Variants in PIP5K1B observed in about 807,000 individuals in gnomAD.
PIP5K1B encodes phosphatidylinositol 4-phosphate 5-kinase type-1 beta.
Under a neutral mutation model 67.0 loss-of-function variants are expected in PIP5K1B, and 42 were observed. That is an observed-to-expected ratio of 0.63 (90% CI 0.49 to 0.81). The LOEUF (loss-of-function observed/expected upper bound fraction) is 0.81, where lower values mean the gene tolerates loss of function less well. Among genes scored for constraint, PIP5K1B ranks in the 30% least tolerant of loss-of-function variants. The pLI, the probability that PIP5K1B is intolerant of heterozygous loss-of-function variation, is 0.00. For missense variants in PIP5K1B, 459 were observed against 646.3 expected, an observed-to-expected ratio of 0.71 and a Z score of 3.14; for synonymous variants, 214 against 231.4, an observed-to-expected ratio of 0.92 and a Z score of 0.68.
chr9:68,880,174 T>G (rs1321931364), intron 6 of PIP5K1B, among the ~76,000 whole-genome samples: 2 of 152,230 alleles, frequency 1.3e-5, no homozygotes, highest in Non-Finnish European at 2.9e-5. Context: ...ATGAATGAGT[T>G]GTCCATGAGT....
intron 12 of PIP5K1B, among the ~76,000 whole-genome samples, chr9:68,929,999 T>A (rs1826912052): frequency 6.6e-6 from 1 of 152,230 alleles, no homozygotes; most frequent in South Asian, 2.1e-4. Context: ...CTCTCCAGCA[T>A]GTGAGACCAC....
intron 4 of PIP5K1B, among the ~76,000 whole-genome samples, chr9:68,851,865 C>T (rs1822503556): frequency 1.3e-5 from 2 of 152,224 alleles, no homozygotes; most frequent in Admixed American, 1.3e-4. Flanking sequence ...AGCTGCAGAG[C>T]CGGCCCTCCT....
chr9:68,812,187 A>G (rs758239612), intron 2 of PIP5K1B, among the ~76,000 whole-genome samples: 6 of 152,262 alleles, frequency 3.9e-5, no homozygotes, highest in Non-Finnish European at 8.8e-5. Context: ...TAGGACACTT[A>G]CAAGTGTCAA....
intron 15 of PIP5K1B, among the ~76,000 whole-genome samples, chr9:68,998,847 A>G (rs1325868029): frequency 2.0e-5 from 3 of 152,206 alleles, no homozygotes; most frequent in Admixed American, 1.3e-4. Flanking sequence ...AAGCCCCCCA[A>G]GTGTGATGAA....
At chr9:68,821,041 G>A (rs1366449461) in intron 3 of PIP5K1B, among the ~76,000 whole-genome samples, 3 of 152,208 alleles carry the variant, frequency 2.0e-5, no homozygotes, top group African/African-American at 7.2e-5. Flanking sequence ...ACTTTGGGAG[G>A]CCAAGGCAGG....
At chr9:68,890,983 C>T (rs1824752516) in intron 7 of PIP5K1B, among the ~76,000 whole-genome samples, 1 of 152,184 alleles carries the variant, frequency 6.6e-6, no homozygotes, top group Admixed American at 6.5e-5. Flanking sequence ...AATGGTGGCT[C>T]ACACCTGTAA....
intron 15 of PIP5K1B, among the ~76,000 whole-genome samples, chr9:69,005,187 ATTCT>A (rs1008962486): frequency 6.6e-6 from 1 of 152,076 alleles, no homozygotes; most frequent in Non-Finnish European, 1.5e-5. Context: ...GCTGGAAATC[ATTCT>A]TTATTTTTAA....
At chr9:68,850,272 A>G (rs902251148) in intron 4 of PIP5K1B, among the ~76,000 whole-genome samples, 6 of 152,228 alleles carry the variant, frequency 3.9e-5, no homozygotes, top group African/African-American at 1.4e-4. Context: ...TAGCCAGAAA[A>G]TAGTAATGTG....
intron 14 of PIP5K1B, among the ~76,000 whole-genome samples, chr9:68,968,745 T>G (rs1829179587): frequency 6.6e-6 from 1 of 150,788 alleles, no homozygotes; most frequent in Admixed American, 6.6e-5. Flanking sequence ...GACTATAAAG[T>G]TTTGCTTAGT....
At chr9:69,002,629 A>G (rs368549756) in intron 15 of PIP5K1B, among the ~76,000 whole-genome samples, 1 of 151,900 alleles carries the variant, frequency 6.6e-6, no homozygotes, top group South Asian at 2.1e-4. Flanking sequence ...ATTTAAAAAA[A>G]AGAGAGAGAG....
chr9:68,729,636 G>T (rs2132284913), intron 1 of PIP5K1B, among the ~76,000 whole-genome samples: 1 of 152,178 alleles, frequency 6.6e-6, no homozygotes. Context: ...TGGATAAATG[G>T]CCAAAGGTTA....
intron 15 of PIP5K1B, among the ~76,000 whole-genome samples, chr9:69,004,060 T>G (rs1039670477): frequency 6.6e-6 from 1 of 152,228 alleles, no homozygotes; most frequent in African/African-American, 2.4e-5. Context: ...TCTGACCCCT[T>G]GTGTACATAC....
chr9:68,935,160 T>A, intron 13 of PIP5K1B, 115 bp downstream of exon 13: 1 of 890,280 alleles, frequency 1.1e-6, no homozygotes, highest in African/African-American at 1.7e-5. Context: ...ATATATTAAT[T>A]AAGTTTTTAA....
chr9:68,899,127 A>G (rs1378461443), intron 8 of PIP5K1B, among the ~76,000 whole-genome samples: 1 of 151,776 alleles, frequency 6.6e-6, no homozygotes, highest in Non-Finnish European at 1.5e-5. Flanking sequence ...CTTCTAATCT[A>G]CTGGCCACAT....
chr9:68,861,879 G>T (rs970770367), intron 4 of PIP5K1B, among the ~76,000 whole-genome samples: 18 of 149,538 alleles, frequency 1.2e-4, no homozygotes, highest in African/African-American at 2.2e-4. Context: ...ATAGCAGGGG[G>T]TTTTTTTGTT....
At chr9:68,941,505 A>G (rs1827560060) in intron 14 of PIP5K1B, among the ~76,000 whole-genome samples, 1 of 152,228 alleles carries the variant, frequency 6.6e-6, no homozygotes, top group East Asian at 1.9e-4. Flanking sequence ...GATTTTTGGA[A>G]ATTGTATGCT....
intron 2 of PIP5K1B, among the ~76,000 whole-genome samples, chr9:68,816,619 A>C (rs1238770080): frequency 6.6e-6 from 1 of 152,244 alleles, no homozygotes; most frequent in Non-Finnish European, 1.5e-5. Flanking sequence ...AGTAGATGCC[A>C]TAACTAAATC....
intron 14 of PIP5K1B, among the ~76,000 whole-genome samples, chr9:68,974,071 T>A (rs1317593302): frequency 6.6e-6 from 1 of 152,192 alleles, no homozygotes; most frequent in Non-Finnish European, 1.5e-5. Flanking sequence ...GGTTCCACCC[T>A]GTTGCCCAGG....
chr9:68,980,685 A>G (rs1354111050), intron 14 of PIP5K1B, among the ~76,000 whole-genome samples: 1 of 152,198 alleles, frequency 6.6e-6, no homozygotes, highest in Admixed American at 6.5e-5. Flanking sequence ...CCAGGAGCTC[A>G]GTGTCATAAC....
Sources: allele counts gnomAD v4.1 joint callset (sites outside exome capture counted in the v4.1 genomes callset), GRCh38; gene constraint gnomAD v4.1.1; transcripts MANE v1.5; gene names NCBI Gene and HGNC (gene_info 2026-07-23, HGNC 2026-07-21).